Variants in PHTF2 observed in about 807,000 individuals in gnomAD.
PHTF2 encodes putative homeodomain transcription factor 2, also known as protein PHTF2.
A neutral mutation model predicts 101.2 loss-of-function variants in PHTF2; 60 were observed. The ratio of observed to expected loss-of-function variants is 0.59; its 90% CI spans 0.48 to 0.73. PHTF2 has a LOEUF of 0.73. Among genes scored for constraint, PHTF2 ranks in the 30% least tolerant of loss-of-function variants. The pLI, the probability that PHTF2 is intolerant of heterozygous loss-of-function variation, is 0.00. For synonymous variants in PHTF2, 311 were observed against 307.3 expected, an observed-to-expected ratio of 1.01 and a Z score of -0.13; for missense variants, 747 against 908.7, an observed-to-expected ratio of 0.82 and a Z score of 2.29.
intron 7 of PHTF2, among the ~76,000 whole-genome samples, chr7:77,903,645 C>G: frequency 6.6e-6 from 1 of 152,026 alleles, no homozygotes; most frequent in East Asian, 1.9e-4. Flanking sequence ...ATCATAAGGC[C>G]CTTATGATGA....
intron 18 of PHTF2, among the ~76,000 whole-genome samples, chr7:77,953,548 G>C (rs1348477857): frequency 6.6e-6 from 1 of 152,144 alleles, no homozygotes; most frequent in African/African-American, 2.4e-5. Flanking sequence ...TACATATTTA[G>C]TCACAGAGTT....
At chr7:77,843,847 T>G (rs1796070213) in intron 2 of PHTF2, among the ~76,000 whole-genome samples, 1 of 152,178 alleles carries the variant, frequency 6.6e-6, no homozygotes, top group African/African-American at 2.4e-5. Flanking sequence ...AAGTCCTGGA[T>G]TATATGATTT....
intron 1 of PHTF2, among the ~76,000 whole-genome samples, chr7:77,805,714 T>C (rs1562826842): frequency 6.6e-6 from 1 of 152,266 alleles, no homozygotes; most frequent in Non-Finnish European, 1.5e-5. Flanking sequence ...ATTTTTCAGA[T>C]ATTTTTTCCT....
In PHTF2 at chr7:77,893,681, A is replaced by AT; in HGVS notation, c.204+21dup. On this transcript the variant is annotated intron_variant, in intron 4 of 19. Coordinates refer to ENST00000416283, the Ensembl canonical transcript of PHTF2. ...GAAATCAAGGTAAGGAGTTTATTTC[A>AT]TTTTGTTTATTTTGAAACATAGTTC... 9.5e-7 allele frequency: 1 copy of AT among 1,057,694 alleles called. No homozygotes were observed. The allele number at this position is 1,057,694 out of a possible 1,614,324, so 65.5% of individuals were successfully genotyped here. A position where few individuals can be genotyped will look rare whatever the true frequency, so the allele number is the denominator to read the frequency against.
chr7:77,846,534 T>C (rs1562869048), intron 2 of PHTF2, among the ~76,000 whole-genome samples: 1 of 148,038 alleles, frequency 6.8e-6, no homozygotes. Context: ...CTGAAATTAG[T>C]TTCCCTTCCC....
chr7:77,912,066 C>G (rs1192603701), intron 9 of PHTF2, among the ~76,000 whole-genome samples: 2 of 152,006 alleles, frequency 1.3e-5, no homozygotes, highest in Non-Finnish European at 2.9e-5. Context: ...ATTCAGAGTC[C>G]CCCTAAAACT....
At chr7:77,944,560 C>T (rs1805890508) in intron 16 of PHTF2, among the ~76,000 whole-genome samples, 1 of 152,142 alleles carries the variant, frequency 6.6e-6, no homozygotes, top group Non-Finnish European at 1.5e-5. Context: ...CTGACAGAAG[C>T]AAAACCAAGG....
intron 1 of PHTF2, among the ~76,000 whole-genome samples, chr7:77,813,590 G>A (rs1223520981): frequency 2.0e-5 from 3 of 152,148 alleles, no homozygotes; most frequent in Non-Finnish European, 4.4e-5. Context: ...GAAGAGAAAG[G>A]CATTGTATTT....
chr7:77,892,864 T>C (rs1200446377), intron 3 of PHTF2, among the ~76,000 whole-genome samples: 1 of 152,236 alleles, frequency 6.6e-6, no homozygotes, highest in South Asian at 2.1e-4. Context: ...ATTTCACAAC[T>C]TTGTTTTCCA....
At position 77,942,802 on chromosome 7, in the gene PHTF2, C is replaced by T. The variant is rs768126070; in HGVS notation, c.1959+16C>T. On this transcript the variant is annotated intron_variant, in intron 16 of 19. Transcript: ENST00000416283. The stretch of plus-strand genomic sequence containing the variant: ...TTGTGCCCAGGTGAGTTAACTCGCT[C>T]CATGTAGAAATTAACCAGATATATA... 4.6e-6 allele frequency: 6 copies of T among 1,315,942 alleles called. No homozygotes were observed. Among genetic ancestry groups the T allele is most frequent in the Non-Finnish European group, 6.4e-6 (6 of 935,734 alleles). 81.5% of individuals were successfully genotyped at this position (1,315,942 alleles called of 1,614,324 possible).
At chr7:77,898,678 A>C (rs1192050590) in intron 5 of PHTF2, among the ~76,000 whole-genome samples, 1 of 152,140 alleles carries the variant, frequency 6.6e-6, no homozygotes, top group African/African-American at 2.4e-5. Flanking sequence ...ACCTTGTTTT[A>C]TGTGTGTTTC....
chr7:77,821,342 G>A (rs1794275104), intron 1 of PHTF2, among the ~76,000 whole-genome samples: 1 of 152,122 alleles, frequency 6.6e-6, no homozygotes, highest in African/African-American at 2.4e-5. Context: ...TCTATTTGAG[G>A]TTCATTGAGC....
At position 77,934,621 on chromosome 7, in the gene PHTF2, T is replaced by TA. The variant is rs1804914140; in HGVS notation, c.1339-3080dup. On this transcript the variant is annotated intron_variant, in intron 12 of 19. Coordinates refer to ENST00000416283, the Ensembl canonical transcript of PHTF2. ...GGATCTGTGATGCTGTCTTCAAAGG[T>TA]AAAAAAAAATTTTAAGTTCTAAATT... Among the ~76,000 whole-genome samples, 4 of 151,832 alleles carry TA rather than the reference T, an allele frequency of 2.6e-5. No individual in the cohort carries two copies. The South Asian group carries it at 8.3e-4, about 32-fold the overall frequency.
At chr7:77,835,291 A>G (rs1042680196) in intron 1 of PHTF2, among the ~76,000 whole-genome samples, 1 of 151,156 alleles carries the variant, frequency 6.6e-6, no homozygotes, top group Non-Finnish European at 1.5e-5. Flanking sequence ...AAAAAAAACA[A>G]GAAAAAAAAA....
At chr7:77,891,184 C>T (rs1242058730) in intron 3 of PHTF2, among the ~76,000 whole-genome samples, 1 of 152,096 alleles carries the variant, frequency 6.6e-6, no homozygotes, top group Non-Finnish European at 1.5e-5. Context: ...GCTAGGATTA[C>T]AGGCATGAGC....
intron 9 of PHTF2, among the ~76,000 whole-genome samples, chr7:77,911,017 T>C (rs562062956): frequency 6.6e-6 from 1 of 152,352 alleles, no homozygotes; most frequent in South Asian, 2.1e-4. Flanking sequence ...TGTATTAAAA[T>C]GTCATGTGAA....
At chr7:77,840,353 A>T in intron 2 of PHTF2, 53 bp downstream of exon 2, 1 of 1,113,462 alleles carries the variant, frequency 9.0e-7, no homozygotes. Context: ...TTTCAAAAAT[A>T]CATGTTTATT....
At chr7:77,900,937 T>C (rs1414361999) in intron 6 of PHTF2, among the ~76,000 whole-genome samples, 157 bp downstream of exon 5, 1 of 152,242 alleles carries the variant, frequency 6.6e-6, no homozygotes, top group Non-Finnish European at 1.5e-5. Flanking sequence ...AATTGGTTCA[T>C]GGTTCTGCAG....
At chr7:77,941,461 G>C (rs1805632760) in intron 15 of PHTF2, among the ~76,000 whole-genome samples, 1 of 152,116 alleles carries the variant, frequency 6.6e-6, no homozygotes, top group African/African-American at 2.4e-5. Context: ...CTAAGCAGGT[G>C]TTACATTCTT....
Sources: allele counts gnomAD v4.1 joint callset (sites outside exome capture counted in the v4.1 genomes callset), GRCh38; gene constraint gnomAD v4.1.1; transcripts MANE v1.5; gene names NCBI Gene and HGNC (gene_info 2026-07-23, HGNC 2026-07-21).